LPIN2: variants seen among roughly 807,000 people sequenced by gnomAD.
LPIN2 encodes the protein lipin 2.
In LPIN2, 55 loss-of-function variants were observed where a neutral mutation model predicts 111.4. That is an observed-to-expected ratio of 0.49 (90% CI 0.40 to 0.62). The LOEUF is 0.62. Ranked by LOEUF, LPIN2 falls within the 20% of genes least tolerant of loss-of-function variation. LPIN2 has a pLI of 0.00. For missense variants in LPIN2, 992 were observed against 1,112.1 expected (o/e 0.89, Z 1.54); for synonymous variants, 425 against 414.0 (o/e 1.03, Z -0.32).
In LPIN2 at chr18:2,937,725, C is replaced by T; in HGVS notation, c.1135G>A (p.Ala379Thr). The change falls in exon 7 of 20, where the codon GCA becomes ACA. Residue 379 changes from alanine (A) to threonine (T), a missense_variant. Ala to Thr is a moderately conservative substitution (Grantham distance 58). Around this residue, in one of 4 missense-constraint regions of LPIN2, gnomAD observed 709 missense variants for 753.2 expected, o/e 0.94. Transcript: ENST00000677752. ...TTTGACGGCGAGTCTACTTTAGCTG[C>T]CGGTTTGGATTCTGAGGGCGCCTCC... is the stretch of plus-strand genomic sequence containing the variant. ...LAEAPSESKP[A>T]AKVDSPSKKK... is the part of the protein sequence containing the mutation. 3.7e-6 allele frequency: 6 copies of T among 1,613,996 alleles called. No individual in the cohort carries two copies. Among genetic ancestry groups the T allele is most frequent in the Non-Finnish European group, 5.1e-6 (6 of 1,180,006 alleles).
rs1451341409 is a variant in LPIN2, at chr18:2,931,423, C to G, written c.1289G>C (p.Arg430Thr). Reference sequence around the variant, plus strand: ...GAGTGTGTCAGACTCGGGCCACTGCCTGGAACCGGGCTCCGATTCACTGTG... The same window carrying G: ...GAGTGTGTCAGACTCGGGCCACTGCGTGGAACCGGGCTCCGATTCACTGTG... ...FPKSESEPGS[R>T]QWPESDTLSG... is the part of the protein sequence containing the mutation. The change falls in exon 9 of 20, where the codon AGG (arginine) becomes ACG (threonine). Residue 430 changes from arginine (R) to threonine (T), a missense_variant. Arg to Thr is a moderately conservative substitution (Grantham distance 71). Transcript: ENST00000677752. The G allele has an allele frequency of 6.3e-7, 1 of 1,597,122 alleles. No homozygotes were observed. The highest frequency in any genetic ancestry group is 1.1e-5 in the South Asian group (1 of 89,074).
intron 1 of LPIN2, among the ~76,000 whole-genome samples, chr18:2,978,317 G>GTT (rs2078052851): frequency 6.6e-6 from 1 of 152,110 alleles, no homozygotes; most frequent in African/African-American, 2.4e-5. Flanking sequence ...CTATAGTAGA[G>GTT]AAACCTGGAA....
intron 4 of LPIN2, chr18:2,947,038 C>G (rs1006024534): frequency 1.2e-5 from 2 of 173,522 alleles, no homozygotes; most frequent in African/African-American, 4.8e-5. Flanking sequence ...TCTCTAGAAG[C>G]CAATTACCGA....
In LPIN2 at chr18:2,928,590, C is replaced by A; in HGVS notation, c.1620+1G>T. The A allele has an allele frequency of 6.2e-7, 1 of 1,614,158 alleles. No homozygotes were observed. The highest frequency in any genetic ancestry group is 1.1e-5 in the South Asian group (1 of 91,088). On this transcript the variant is annotated splice_donor_variant, in intron 11 of 19. Coordinates refer to ENST00000677752, the MANE Select transcript of LPIN2 (RefSeq NM_001375808.2). LOFTEE classifies it high-confidence loss of function. ...AGGCAGCAGATGGTGGATCGCCTCA[C>A]CTTAGGCAAGCTCTTCTGGAATACT...
Position 2,931,349 on chromosome 18 carries a change from C to T in LPIN2, c.1363G>A (p.Gly455Ser). ...QSVGSAAADSGTECLSDSAMD... is the reference protein window; with the variant it reads ...QSVGSAAADSSTECLSDSAMD... ...GCAGAATCTGAGAGGCACTCGGTGC[C>T]GCTATCTGCAGCTGCGCTTCCCACG... The change falls in exon 9 of 20, where the codon GGC becomes AGC. Residue 455 changes from glycine to serine, a missense_variant. By Grantham distance (56) the Gly-to-Ser change is moderately conservative. Coordinates refer to ENST00000677752, the MANE Select transcript of LPIN2 (RefSeq NM_001375808.2). 3.1e-6 allele frequency: 5 copies of T among 1,614,054 alleles called. No homozygotes were observed. The highest frequency in any genetic ancestry group is 4.2e-6 in the Non-Finnish European group (5 of 1,180,000).
rs1598512296 is a variant in LPIN2, at chr18:2,917,175, A to G, written c.*3118T>C. 6.6e-6 allele frequency: 1 copy of G among 152,250 alleles called. No individual in the cohort carries two copies. The highest frequency in any genetic ancestry group is 1.5e-5 in the Non-Finnish European group (1 of 68,044). The allele number at this position is 152,250 out of a possible 1,614,324, so 9.4% of individuals were successfully genotyped here. A position where few individuals can be genotyped will look rare whatever the true frequency, so the allele number is the denominator to read the frequency against. Reference sequence around the variant, plus strand: ...CTTATTAGTGACATTGCTGTCTAATAATCAAATACTTCATCATAGGCTGAA... The same window carrying G: ...CTTATTAGTGACATTGCTGTCTAATGATCAAATACTTCATCATAGGCTGAA... On this transcript the variant is annotated 3_prime_UTR_variant, in exon 20 of 20. Transcript: ENST00000677752.
chr18:2,996,611 G>A (rs1164561539), intron 1 of LPIN2, among the ~76,000 whole-genome samples: 4 of 147,850 alleles, frequency 2.7e-5, no homozygotes, highest in East Asian at 2.1e-4. Context: ...CCGAGTAGCT[G>A]GGACTACAGG....
rs976298177 is a variant in LPIN2 at position 2,982,749 on chromosome 18, G to A, written c.-9-21900C>T. 12 of 1,300,704 alleles carry A rather than the reference G, an allele frequency of 9.2e-6. No individual in the cohort carries two copies. The African/African-American group carries it at 1.5e-4, about 16-fold the overall frequency. 80.6% of individuals were successfully genotyped at this position (1,300,704 alleles called of 1,614,324 possible). ...CTTTACAAACCACCTCATCTTCCTT[G>A]TCATCTTCTAAGTAAAACATCTTGA... On this transcript the variant is annotated intron_variant, in intron 1 of 19. Transcript: ENST00000677752.
At position 2,926,815 on chromosome 18, in the gene LPIN2, C is replaced by G; in HGVS notation, c.1711-10G>C. ...CCTTGGATTCTGGCAGCTGTAACAG[C>G]AAGATGATAATGGCAACATGCAATT... is the stretch of plus-strand genomic sequence containing the variant. On this transcript the variant is annotated splice_polypyrimidine_tract_variant and intron_variant, in intron 12 of 19. Coordinates refer to ENST00000677752, the MANE Select transcript of LPIN2 (RefSeq NM_001375808.2). The G allele has an allele frequency of 6.2e-7, 1 of 1,611,544 alleles. No individual in the cohort carries two copies.
At chr18:2,927,473 T>C (rs1363775293) in intron 12 of LPIN2, among the ~76,000 whole-genome samples, 3 of 152,204 alleles carry the variant, frequency 2.0e-5, no homozygotes, top group South Asian at 2.1e-4. Context: ...TCACCAGTTA[T>C]GTGACTTCGT....
At chr18:2,962,878 G>A (rs1055792909) in intron 1 of LPIN2, among the ~76,000 whole-genome samples, 1 of 151,914 alleles carries the variant, frequency 6.6e-6, no homozygotes, top group African/African-American at 2.4e-5. Flanking sequence ...TAACTTTTAA[G>A]CATTGACATT....
At chr18:2,945,004 CTTTA>C (rs1299029086) in intron 4 of LPIN2, among the ~76,000 whole-genome samples, 1 of 152,104 alleles carries the variant, frequency 6.6e-6, no homozygotes, top group Non-Finnish European at 1.5e-5. Context: ...ATATATTCCC[CTTTA>C]CTTACTATAC....
intron 1 of LPIN2, among the ~76,000 whole-genome samples, chr18:2,981,626 G>A (rs934143392): frequency 2.6e-5 from 4 of 152,204 alleles, no homozygotes; most frequent in African/African-American, 7.2e-5. Flanking sequence ...GAGCCAATAT[G>A]TGTATACATT....
Position 2,920,289 on chromosome 18 carries a change from C to T in LPIN2, c.*4G>A, listed in dbSNP as rs1274729616. ...AAGCCCTGCCCACCCACTGAGGTGC[C>T]GCCTCAAGACAGGTCATCCAGGTCC... On this transcript the variant is annotated 3_prime_UTR_variant, in exon 20 of 20. Coordinates refer to ENST00000677752, the MANE Select transcript of LPIN2 (RefSeq NM_001375808.2). 3 of 1,614,096 alleles carry T rather than the reference C, an allele frequency of 1.9e-6. No homozygotes were observed. In the South Asian group the frequency reaches 3.3e-5, roughly 18 times the overall value.
In LPIN2 at chr18:2,928,609, G is replaced by A; in HGVS notation, c.1602C>T (p.Phe534=). 1 of 1,613,892 alleles carries A rather than the reference G, an allele frequency of 6.2e-7. No homozygotes were observed. The highest frequency in any genetic ancestry group is 8.5e-7 in the Non-Finnish European group (1 of 1,179,870). Residue 534 remains phenylalanine (F), a synonymous_variant, in exon 11 of 20, where the codon TTC becomes TTT. Coordinates refer to ENST00000677752, the MANE Select transcript of LPIN2 (RefSeq NM_001375808.2). The part of the protein sequence containing the change: ...AAPMILSLQV[F]QKSLPKATVE... ...GCCTCACCTTAGGCAAGCTCTTCTGGAATACTTGCAAGCTAAGGATCATGG... is the reference window on the plus strand; with the variant it reads ...GCCTCACCTTAGGCAAGCTCTTCTGAAATACTTGCAAGCTAAGGATCATGG...
chr18:2,960,787 G>A lies in LPIN2; in HGVS notation c.54C>T (p.Leu18=). 6.2e-7 allele frequency: 1 copy of A among 1,614,104 alleles called. No individual in the cohort carries two copies. Among genetic ancestry groups the A allele is most frequent in the Non-Finnish European group, 8.5e-7 (1 of 1,180,014 alleles). ...AGQVIVTVKE[L]YKGINQATLS... ...GGGTGGCCTGGTTAATGCCCTTGTA[G>A]AGTTCCTTCACAGTGACAATCACCT... The change falls in exon 2 of 20, where the codon CTC becomes CTT. Residue 18 remains leucine, a synonymous_variant. Transcript: ENST00000677752.
intron 1 of LPIN2, among the ~76,000 whole-genome samples, chr18:3,009,816 T>G (rs969329358): frequency 6.6e-6 from 1 of 152,204 alleles, no homozygotes; most frequent in African/African-American, 2.4e-5. Context: ...TTCAAAGGCT[T>G]TAGCAGAAAA....
chr18:2,939,508 G>A lies in LPIN2; in HGVS notation c.794C>T (p.Thr265Met), dbSNP rs1334562388. The change falls in exon 6 of 20, where the codon ACG becomes ATG. Residue 265 changes from threonine to methionine, a missense_variant. Physicochemically the swap from Thr to Met is moderately conservative, Grantham distance 81. This residue lies in a region of LPIN2 where 709 missense variants were observed against 753.2 expected (regional missense o/e 0.94). Transcript: ENST00000677752. ...GGTGGACTCTGGGAATCCGCCCCAC[G>A]TCCACTCCATGTGAGACTCTGATCT... ...LLRSESHMEWTWGGFPESTKV... is the reference protein window; with the variant it reads ...LLRSESHMEWMWGGFPESTKV... The A allele has an allele frequency of 8.1e-6, 13 of 1,613,730 alleles. No individual in the cohort carries two copies. The highest frequency in any genetic ancestry group is 2.2e-5 in the East Asian group (1 of 44,870).
chr18:2,925,504 C>T lies in LPIN2; in HGVS notation c.1794-136G>A. 8.6e-7 allele frequency: 1 copy of T among 1,160,948 alleles called. No individual in the cohort carries two copies. The highest frequency in any genetic ancestry group is 1.3e-6 in the Non-Finnish European group (1 of 796,012). 71.9% of individuals were successfully genotyped at this position (1,160,948 alleles called of 1,614,324 possible). A position where few individuals can be genotyped will look rare whatever the true frequency, so the allele number is the denominator to read the frequency against. On this transcript the variant is annotated intron_variant, in intron 13 of 19. Transcript: ENST00000677752. The surrounding 1 kb of genome is among the most constrained non-coding windows in gnomAD (Gnocchi z 4.1). ...GTAGAGTTATCCCTTCTGCCATTCT[C>T]CCATATCCACAGCTCTGTACGCCTG...
Sources: allele counts gnomAD v4.1 joint callset (sites outside exome capture counted in the v4.1 genomes callset), GRCh38; gene constraint gnomAD v4.1.1; regional missense constraint gnomAD v4.1.1; non-coding constraint Gnocchi (gnomAD v3.1); transcripts MANE v1.5; gene names NCBI Gene and HGNC (gene_info 2026-07-23, HGNC 2026-07-21).